NT5C2: variants seen among roughly 807,000 people sequenced by gnomAD.
NT5C2 encodes the protein cytosolic purine 5'-nucleotidase.
A neutral mutation model predicts 76.1 loss-of-function variants in NT5C2; 58 were observed. That is an observed-to-expected ratio of 0.76 (90% confidence interval 0.62 to 0.95). The LOEUF (loss-of-function observed/expected upper bound fraction) is 0.95. NT5C2 is among the 40% of genes least tolerant of loss of function. The probability of loss-of-function intolerance (pLI) is 0.00; values close to 1 mark genes in which losing one functional copy is unlikely to be tolerated. For synonymous variants in NT5C2, 229 were observed against 237.4 expected, an observed-to-expected ratio of 0.96 and a Z score of 0.32; for missense variants, 478 against 690.3, an observed-to-expected ratio of 0.69 and a Z score of 3.45.
intron 1 of NT5C2, among the ~76,000 whole-genome samples, chr10:103,183,279 A>AATATATATATATTT: frequency 7.5e-6 from 1 of 133,588 alleles, no homozygotes; most frequent in South Asian, 2.4e-4. Context: ...ATATATATAT[A>AATATATATATATTT]TATATATATA....
At chr10:103,146,550 T>C (rs2081514648) in intron 3 of NT5C2, 1 of 482,826 alleles carries the variant, frequency 2.1e-6, no homozygotes, top group Non-Finnish European at 2.7e-6. Context: ...TCTGTATATA[T>C]GCATATTTTT....
intron 4 of NT5C2, among the ~76,000 whole-genome samples, chr10:103,109,941 G>A (rs1210012141): frequency 3.3e-5 from 5 of 152,168 alleles, no homozygotes; most frequent in African/African-American, 1.2e-4. Flanking sequence ...TTTATTGGCA[G>A]GGCAGAATTT....
chr10:103,110,591 C>T (rs1473076735), intron 4 of NT5C2, among the ~76,000 whole-genome samples: 4 of 152,222 alleles, frequency 2.6e-5, no homozygotes, highest in African/African-American at 9.6e-5. Context: ...CAATTTTTTT[C>T]AACTAGTCCA....
intron 3 of NT5C2, among the ~76,000 whole-genome samples, chr10:103,163,621 T>C (rs1466275629): frequency 6.6e-6 from 1 of 152,042 alleles, no homozygotes; most frequent in African/African-American, 2.4e-5. Flanking sequence ...TATTGTTAAA[T>C]TTTAAAAGTT....
chr10:103,143,947 CCT>C (rs2081038192), intron 3 of NT5C2, among the ~76,000 whole-genome samples: 1 of 151,954 alleles, frequency 6.6e-6, no homozygotes, highest in Non-Finnish European at 1.5e-5. Context: ...AGAGCAAGAC[CCT>C]GTCTCAAACA....
intron 3 of NT5C2, among the ~76,000 whole-genome samples, chr10:103,139,709 C>G (rs988103647): frequency 3.9e-5 from 6 of 152,120 alleles, no homozygotes; most frequent in African/African-American, 1.2e-4. Context: ...TTAACATACC[C>G]ATTATCCCAT....
At chr10:103,128,059 C>G (rs2077017868) in intron 4 of NT5C2, among the ~76,000 whole-genome samples, 1 of 131,634 alleles carries the variant, frequency 7.6e-6, no homozygotes, top group African/African-American at 3.0e-5. Flanking sequence ...CCCTCTCCCT[C>G]TCCCTCTCCC....
intron 4 of NT5C2, among the ~76,000 whole-genome samples, chr10:103,128,838 C>A (rs2077255252): frequency 1.9e-5 from 1 of 51,934 alleles, no homozygotes. Context: ...GGCAACCACC[C>A]CGTCTGAGAA....
intron 10 of NT5C2, 41 bp downstream of exon 10, chr10:103,098,890 A>G: frequency 7.5e-7 from 1 of 1,330,326 alleles, no homozygotes; most frequent in Non-Finnish European, 1.1e-6. Context: ...AATAGGTAAA[A>G]TGAGCTATTA....
intron 3 of NT5C2, among the ~76,000 whole-genome samples, chr10:103,162,528 A>G (rs532573972): frequency 1.3e-5 from 2 of 152,204 alleles, no homozygotes; most frequent in Non-Finnish European, 2.9e-5. Flanking sequence ...TATACACTAG[A>G]ATAACTTTTA....
chr10:103,094,699 T>C (rs888301815), intron 12 of NT5C2, among the ~76,000 whole-genome samples: 4 of 152,072 alleles, frequency 2.6e-5, no homozygotes, highest in East Asian at 1.9e-4. Flanking sequence ...CTGGCCAACA[T>C]GGTGAAAACC....
chr10:103,101,142 A>G (rs778615350), intron 7 of NT5C2, 40 bp from the exon 8 acceptor site: 4 of 1,512,672 alleles, frequency 2.6e-6, no homozygotes, highest in Non-Finnish European at 2.8e-6. Context: ...CTATAATGAA[A>G]TAATTCAAAC....
At position 103,108,250 on chromosome 10, in the gene NT5C2, G is replaced by A. The variant is rs182522848; in HGVS notation, c.176-1544C>T. 3.0e-3 allele frequency among the ~76,000 whole-genome samples: 464 copies of A among 152,242 alleles called. 1 individual carries two copies. Among genetic ancestry groups the A allele is most frequent in the Non-Finnish European group, 5.0e-3 (342 of 68,010 alleles). On this transcript the variant is annotated intron_variant, in intron 4 of 18. Coordinates refer to ENST00000404739, the MANE Select transcript of NT5C2 (RefSeq NM_001351169.2). ...TAAGCATCTTTCCATCAGTCTCCAG[G>A]AGTGAGTAAGCCATATTAAAAATAA...
At chr10:103,187,006 T>G (rs1005840411) in intron 1 of NT5C2, among the ~76,000 whole-genome samples, 2 of 151,602 alleles carry the variant, frequency 1.3e-5, no homozygotes, top group African/African-American at 4.9e-5. Context: ...ATCCCAGCAC[T>G]CTGGGAGGCT....
chr10:103,091,331 C>A (rs2066810477), intron 16 of NT5C2, among the ~76,000 whole-genome samples: 1 of 151,578 alleles, frequency 6.6e-6, no homozygotes, highest in Non-Finnish European at 1.5e-5. Flanking sequence ...TGAGCCACTG[C>A]GCCTGGCCTG....
At chr10:103,136,626 A>ATTTTTT (rs71019660) in intron 4 of NT5C2, among the ~76,000 whole-genome samples, 2 of 143,016 alleles carry the variant, frequency 1.4e-5, no homozygotes, top group Non-Finnish European at 3.1e-5. Flanking sequence ...TCAGTTAATT[A>ATTTTTT]TTTTTTTTTT....
At chr10:103,100,204 G>A (rs2069218104) in intron 8 of NT5C2, among the ~76,000 whole-genome samples, 185 bp from the exon 9 acceptor site, 1 of 152,116 alleles carries the variant, frequency 6.6e-6, no homozygotes, top group Non-Finnish European at 1.5e-5. Context: ...AGTGTTCAAT[G>A]GAATACAGTA....
chr10:103,192,528 A>C (rs1382970249), intron 1 of NT5C2, among the ~76,000 whole-genome samples: 3 of 152,158 alleles, frequency 2.0e-5, no homozygotes, highest in Non-Finnish European at 4.4e-5. Context: ...CGAAAAAAGG[A>C]GAAGAATAGG....
chr10:103,116,462 T>C (rs1565033255), intron 4 of NT5C2, among the ~76,000 whole-genome samples: 2 of 152,212 alleles, frequency 1.3e-5, no homozygotes, highest in Non-Finnish European at 2.9e-5. Flanking sequence ...GTTGTTCCTT[T>C]AATTACTGCT....
Sources: gnomAD v4.1 joint callset for allele counts (sites outside exome capture counted in the v4.1 genomes callset) on GRCh38, gnomAD v4.1.1 for gene constraint, MANE v1.5 for transcripts, NCBI Gene and HGNC (gene_info 2026-07-23, HGNC 2026-07-21) for gene names.